The following KLRC3 variants were observed in gnomAD, a reference collection of about 807,000 sequenced individuals.
KLRC3 encodes the protein NKG2-E type II integral membrane protein.
A neutral mutation model predicts 23.6 loss-of-function variants in KLRC3; 16 were observed. The observed-to-expected ratio is 0.68, with a 90% CI of 0.46 to 1.03. KLRC3 has a LOEUF of 1.03. Ranked by LOEUF, KLRC3 falls within the 50% of genes least tolerant of loss-of-function variation. The pLI, the probability that KLRC3 is intolerant of heterozygous loss-of-function variation, is 0.00. For synonymous variants in KLRC3, 70 were observed against 71.8 expected (o/e 0.98, Z 0.13); for missense variants, 209 against 232.2 (o/e 0.90, Z 0.65).
In KLRC3 at chr12:10,416,744, A is replaced by T. The variant is rs772874923; in HGVS notation, c.510T>A (p.Pro170=). 56 of 1,601,658 alleles carry T rather than the reference A, an allele frequency of 3.5e-5. No individual in the cohort carries two copies. Among genetic ancestry groups the T allele is most frequent in the Non-Finnish European group, 4.6e-5 (54 of 1,175,074 alleles). Residue 170 remains proline, a synonymous_variant, in exon 5 of 7, where the codon CCT becomes CCA. Coordinates refer to ENST00000396439, the MANE Select transcript of KLRC3 (RefSeq NM_002261.3). ...TACGAAACACACCAATCCATGAGGA[A>T]GGTAAAATGCTGGCCAGAAATTTCT... ...EEMKFLASIL[P]SSWIGVFRNS...
chr12:10,417,547 A>G (rs528186872), intron 4 of KLRC3, among the ~76,000 whole-genome samples: 30 of 152,298 alleles, frequency 2.0e-4, no homozygotes, highest in African/African-American at 6.7e-4. Context: ...TGCCACTGGC[A>G]AGGATGATCT....
Position 10,412,627 on chromosome 12 carries a change from A to G in KLRC3, c.679-11T>C, listed in dbSNP as rs1863591247. 1.4e-6 allele frequency: 1 copy of G among 701,114 alleles called. No individual in the cohort carries two copies. Among genetic ancestry groups the G allele is most frequent in the African/African-American group, 1.8e-5 (1 of 57,098 alleles). The allele number at this position is 701,114 out of a possible 1,614,324, so 43.4% of individuals were successfully genotyped here. ...GATGAAACCCCGTCTCTACAAAAAA[A>G]TACGAAAATTAGCCAGCATGATGGT... On this transcript the variant is annotated splice_polypyrimidine_tract_variant and intron_variant, in intron 6 of 6. Coordinates refer to ENST00000396439, the MANE Select transcript of KLRC3 (RefSeq NM_002261.3).
chr12:10,417,478 C>T (rs1295724301), intron 4 of KLRC3, among the ~76,000 whole-genome samples: 1 of 152,150 alleles, frequency 6.6e-6, no homozygotes, highest in African/African-American at 2.4e-5. Flanking sequence ...TACACCCAAC[C>T]TGGCAATAGG....
chr12:10,412,550 A>G lies in KLRC3; in HGVS notation c.*22T>C, dbSNP rs545987021. ...AGTAATCCCAGCAACTTGGGAGGCC[A>G]AGATGTGTTGATTTCTTGAGCTCAG... On this transcript the variant is annotated 3_prime_UTR_variant, in exon 7 of 7. Transcript: ENST00000396439. The G allele has an allele frequency of 1.4e-6, 1 of 701,958 alleles. No homozygotes were observed. The highest frequency in any genetic ancestry group is 1.7e-5 in the African/African-American group (1 of 57,256). The allele number at this position is 701,958 out of a possible 1,614,324, so 43.5% of individuals were successfully genotyped here.
At chr12:10,416,078 A>T (rs1027828501) in intron 5 of KLRC3, among the ~76,000 whole-genome samples, 8 of 152,204 alleles carry the variant, frequency 5.3e-5, no homozygotes, top group East Asian at 1.9e-4. Context: ...GTTTAATTTA[A>T]AAATTAGGCA....
Position 10,415,730 on chromosome 12 carries a change from CTGATA to C in KLRC3, c.647_651del (p.Ile216ArgfsTer10), listed in dbSNP as rs1201441034. On this transcript the variant is annotated frameshift_variant, in exon 6 of 7. Transcript: ENST00000396439. LOFTEE classifies it low-confidence loss of function (END_TRUNC). ...ATGATTCTTGAAGATCCACACTGGT[CTGATA>C]TAAGTCCACGTACATGTAGCATTGC... 3.1e-6 allele frequency: 5 copies of C among 1,613,634 alleles called. No individual in the cohort carries two copies. The highest frequency in any genetic ancestry group is 2.7e-5 in the African/African-American group (2 of 74,916).
intron 4 of KLRC3, among the ~76,000 whole-genome samples, chr12:10,417,510 C>T (rs1392072049): frequency 2.0e-5 from 3 of 152,132 alleles, no homozygotes; most frequent in African/African-American, 4.8e-5. Flanking sequence ...GAAGGAGAGT[C>T]CCCTCCACAA....
intron 4 of KLRC3, among the ~76,000 whole-genome samples, chr12:10,417,704 C>G (rs890632183): frequency 5.3e-5 from 8 of 152,178 alleles, no homozygotes; most frequent in African/African-American, 1.7e-4. Flanking sequence ...CCCCTGAGGG[C>G]ATGAGACTCA....
At chr12:10,419,395 G>C (rs1310727272) in intron 2 of KLRC3, among the ~76,000 whole-genome samples, 2 of 92,160 alleles carry the variant, frequency 2.2e-5, no homozygotes, top group African/African-American at 8.3e-5. Flanking sequence ...ATCTTTGTGT[G>C]TGTATGTATA....
rs768222394 is a variant in KLRC3 at position 10,412,612 on chromosome 12, C to T, written c.683G>A (p.Arg228Gln). 1.6e-5 allele frequency: 11 copies of T among 700,386 alleles called. No homozygotes were observed. Among genetic ancestry groups the T allele is most frequent in the South Asian group, 3.0e-5 (2 of 67,330 alleles). The allele number at this position is 700,386 out of a possible 1,614,324, so 43.4% of individuals were successfully genotyped here. A position where few individuals can be genotyped will look rare whatever the true frequency, so the allele number is the denominator to read the frequency against. ...CAGCCTGGTCAACATGATGAAACCCCGTCTCTACAAAAAAATACGAAAATT... is the reference window on the plus strand; with the variant it reads ...CAGCCTGGTCAACATGATGAAACCCTGTCTCTACAAAAAAATACGAAAATT... ...DQCGSSRIIR[R>Q]GFIMLTRLVL... Residue 228 changes from arginine (R) to glutamine (Q), a missense_variant, in exon 7 of 7, where the codon CGG (arginine) becomes CAG (glutamine). By Grantham distance (43) the Arg-to-Gln change is conservative. Transcript: ENST00000396439.
chr12:10,416,310 A>G (rs1443367450), intron 5 of KLRC3, among the ~76,000 whole-genome samples: 1 of 152,168 alleles, frequency 6.6e-6, no homozygotes, highest in East Asian at 1.9e-4. Flanking sequence ...ACACAAATAC[A>G]TAAGCTTTCT....
At chr12:10,416,305 A>T (rs1387665015) in intron 5 of KLRC3, among the ~76,000 whole-genome samples, 1 of 152,208 alleles carries the variant, frequency 6.6e-6, no homozygotes, top group East Asian at 1.9e-4. Flanking sequence ...GCCCAACACA[A>T]ATACATAAGC....
intron 1 of KLRC3, 54 bp from the exon 2 acceptor site, chr12:10,420,018 G>T: frequency 1.3e-5 from 4 of 299,230 alleles, no homozygotes; most frequent in Non-Finnish European, 2.5e-5. Context: ...AGTTGATTAG[G>T]ATTACATACT....
intron 6 of KLRC3, among the ~76,000 whole-genome samples, chr12:10,412,916 C>G (rs1971939): frequency 0.067 from 10,174 of 152,080 alleles, 715 homozygotes; most frequent in South Asian, 0.27. Flanking sequence ...TCTCTTGATG[C>G]TTAATACAAG....
chr12:10,417,146 A>G (rs565884680), intron 4 of KLRC3, among the ~76,000 whole-genome samples: 5 of 151,706 alleles, frequency 3.3e-5, no homozygotes, highest in Non-Finnish European at 5.9e-5. Flanking sequence ...AATAAATGAC[A>G]TGGAAGCTAC....
At chr12:10,415,654 A>G (rs115905385) in intron 6 of KLRC3, 50 bp downstream of exon 6, 9 of 1,601,374 alleles carry the variant, frequency 5.6e-6, no homozygotes, top group Non-Finnish European at 7.6e-6. Context: ...ATAAAATTTT[A>G]TCTGATGCAC....
Position 10,418,402 on chromosome 12 carries a change from T to A in KLRC3, c.428A>T (p.Gln143Leu), listed in dbSNP as rs35805907. ...KERRTWEESL[Q>L]ACASKNSSSL... ...AGAAGAGTTCTTTGAAGCACAGGCC[T>A]GCAAACTCTCTTCCCAAGTTCTTCT... The change falls in exon 4 of 7, where the codon CAG becomes CTG. Residue 143 changes from glutamine to leucine, a missense_variant. By Grantham distance (113) the Gln-to-Leu change is moderately radical (BLOSUM62 -2). Around this residue, in one of 4 missense-constraint regions of KLRC3, gnomAD observed 109 missense variants for 113.2 expected, o/e 0.96. Transcript: ENST00000396439. The A allele has an allele frequency of 5.8e-5, 93 of 1,612,042 alleles. No individual in the cohort carries two copies. The highest frequency in any genetic ancestry group is 6.7e-5 in the Non-Finnish European group (79 of 1,178,360).
At chr12:10,418,557 T>G in intron 3 of KLRC3, 59 bp from the exon 4 acceptor site, 1 of 1,475,202 alleles carries the variant, frequency 6.8e-7, no homozygotes, top group Non-Finnish European at 9.3e-7. Flanking sequence ...TGAAAATTAG[T>G]TCACATATTT....
rs746949676 is a variant in KLRC3, at chr12:10,415,557, G to A, written c.678+147C>T. 3 of 1,267,152 alleles carry A rather than the reference G, an allele frequency of 2.4e-6. No homozygotes were observed. The East Asian group carries it at 7.7e-5, about 32-fold the overall frequency. 78.5% of individuals were successfully genotyped at this position (1,267,152 alleles called of 1,614,324 possible). On this transcript the variant is annotated intron_variant, in intron 6 of 6. Transcript: ENST00000396439. ...TTGTGTGTATTATATTTCAATAATT[G>A]ATTTGGAATTTTCTTATTATTAGAG...
Sources: gnomAD v4.1 joint callset for allele counts (sites outside exome capture counted in the v4.1 genomes callset) on GRCh38, gnomAD v4.1.1 for gene constraint, gnomAD v4.1.1 regional missense constraint, MANE v1.5 for transcripts, NCBI Gene and HGNC (gene_info 2026-07-23, HGNC 2026-07-21) for gene names.